The following POLK variants were observed in gnomAD, a reference collection of about 807,000 sequenced individuals.
The protein encoded by POLK is polymerase (DNA directed) kappa.
In POLK, 76 loss-of-function variants were observed where a neutral mutation model predicts 94.0. That is an observed-to-expected ratio of 0.81 (90% confidence interval 0.67 to 0.98). The LOEUF is 0.98. Among genes scored for constraint, POLK ranks in the 50% least tolerant of loss-of-function variants. POLK has a pLI of 0.00. For missense variants in POLK, 954 were observed against 1,010.1 expected (o/e 0.94, Z 0.75); for synonymous variants, 349 against 325.4 (o/e 1.07, Z -0.78).
intron 1 of POLK, among the ~76,000 whole-genome samples, chr5:75,543,317 G>C (rs1769849691): frequency 6.6e-6 from 1 of 152,196 alleles, no homozygotes; most frequent in South Asian, 2.1e-4. Context: ...TGGGATTGTA[G>C]GCATGAGTCA....
intron 3 of POLK, among the ~76,000 whole-genome samples, chr5:75,561,377 T>G (rs1770965439): frequency 6.6e-6 from 1 of 152,220 alleles, no homozygotes; most frequent in South Asian, 2.1e-4. Flanking sequence ...TGTAGATTTG[T>G]GTAAGTTCCT....
exon 13 of POLK, chr5:75,596,964 A>G (rs199828662): frequency 3.7e-6 from 6 of 1,613,764 alleles, no homozygotes; most frequent in Non-Finnish European, 4.2e-6. Flanking sequence ...AAGATGTTGG[A>G]TCATTTAGAC....
chr5:75,571,051 T>C (rs562804998), intron 4 of POLK, among the ~76,000 whole-genome samples: 1 of 152,332 alleles, frequency 6.6e-6, no homozygotes, highest in African/African-American at 2.4e-5. Flanking sequence ...ACAAACTTGC[T>C]GTAGCCATGT....
chr5:75,543,810 A>G (rs902001301), intron 1 of POLK, among the ~76,000 whole-genome samples: 2 of 151,708 alleles, frequency 1.3e-5, no homozygotes, highest in Admixed American at 1.3e-4. Flanking sequence ...ACCAAAACCA[A>G]CTCTTAGAGT....
chr5:75,581,574 A>G (rs1772195927), intron 7 of POLK, 126 bp downstream of exon 7: 2 of 771,968 alleles, frequency 2.6e-6, no homozygotes, highest in Non-Finnish European at 4.1e-6. Context: ...CTTTCATTCA[A>G]CTTCTAACAA....
intron 1 of POLK, among the ~76,000 whole-genome samples, chr5:75,533,779 T>A (rs1032571140): frequency 9.9e-5 from 15 of 152,234 alleles, no homozygotes; most frequent in Admixed American, 6.5e-5. Context: ...CAGTGTTTTT[T>A]AATTCTCATT....
intron 1 of POLK, among the ~76,000 whole-genome samples, chr5:75,537,830 A>G (rs1769524644): frequency 6.6e-6 from 1 of 151,798 alleles, no homozygotes; most frequent in Admixed American, 6.6e-5. Context: ...TGCAGTTCAA[A>G]TTTTGTTTTT....
At position 75,573,735 on chromosome 5, in the gene POLK, C is replaced by G; in HGVS notation, c.409-3C>G. 1 of 1,611,562 alleles carries G rather than the reference C, an allele frequency of 6.2e-7. No homozygotes were observed. The highest frequency in any genetic ancestry group is 8.5e-7 in the Non-Finnish European group (1 of 1,177,946). On this transcript the variant is annotated splice_region_variant and splice_polypyrimidine_tract_variant and intron_variant, in intron 4 of 14. Coordinates refer to ENST00000241436, the Ensembl canonical transcript of POLK. ...TTTTTCCATGTGGTCAATTTTCTTT[C>G]AGTCTACTTCAAATTACCATGCAAG...
intron 1 of POLK, among the ~76,000 whole-genome samples, chr5:75,514,647 T>G (rs1768236887): frequency 6.6e-6 from 1 of 152,234 alleles, no homozygotes; most frequent in African/African-American, 2.4e-5. Context: ...TAGTCCAGAC[T>G]TTGGACCTTA....
chr5:75,534,079 A>G (rs1393687058), intron 1 of POLK, among the ~76,000 whole-genome samples: 1 of 152,128 alleles, frequency 6.6e-6, no homozygotes, highest in Non-Finnish European at 1.5e-5. Context: ...CAGCCTTGCC[A>G]ACATGATGAA....
downstream of POLK, among the ~76,000 whole-genome samples, chr5:75,604,472 G>A (rs1474077451): frequency 3.9e-5 from 6 of 152,284 alleles, no homozygotes; most frequent in South Asian, 1.0e-3. Flanking sequence ...GAACTCTTGG[G>A]ATCAAGATCC....
intron 1 of POLK, among the ~76,000 whole-genome samples, chr5:75,524,010 A>C (rs1399750520): frequency 6.6e-6 from 1 of 151,980 alleles, no homozygotes; most frequent in Non-Finnish European, 1.5e-5. Flanking sequence ...GGCACCTGTA[A>C]TCCCAGCTAC....
At chr5:75,551,467 A>G (rs1295989419) in intron 2 of POLK, among the ~76,000 whole-genome samples, 4 of 152,194 alleles carry the variant, frequency 2.6e-5, no homozygotes, top group Admixed American at 6.5e-5. Flanking sequence ...TAAAACACAT[A>G]TGTGATAAAA....
intron 1 of POLK, among the ~76,000 whole-genome samples, chr5:75,533,659 G>A (rs1267497291): frequency 6.6e-6 from 1 of 152,164 alleles, no homozygotes; most frequent in Non-Finnish European, 1.5e-5. Flanking sequence ...AAATAGCGCT[G>A]AATCTGTAAT....
Position 75,578,424 on chromosome 5 carries a change from T to C in POLK, c.694+1491T>C, listed in dbSNP as rs1772021725. 3.9e-5 allele frequency among the ~76,000 whole-genome samples: 6 copies of C among 152,374 alleles called. No homozygotes were observed. In the South Asian group the frequency reaches 1.2e-3, roughly 32 times the overall value. On this transcript the variant is annotated intron_variant, in intron 6 of 14. Transcript: ENST00000241436. ...TGCCCGCCTCGGCCTTCCAAAGTGCTGGGATTACAGGCATGAGCCACCACG... is the reference window on the plus strand; with the variant it reads ...TGCCCGCCTCGGCCTTCCAAAGTGCCGGGATTACAGGCATGAGCCACCACG...
rs781584871 is a variant in POLK at position 75,547,026 on chromosome 5, G to T, written c.4G>T (p.Asp2Tyr). ...CTTTTTCAGATAAGTTTATACCATG[G>T]ATAGCACAAAGGAGAAGTGTGACAG... Residue 2 changes from aspartate to tyrosine, a missense_variant, in exon 2 of 15, where the codon GAT becomes TAT. Physicochemically the swap from Asp to Tyr is radical, Grantham distance 160 (BLOSUM62 -3). Transcript: ENST00000241436. The T allele has an allele frequency of 2.1e-5, 31 of 1,499,136 alleles. No homozygotes were observed. The South Asian group carries it at 4.0e-4, about 19-fold the overall frequency. 92.9% of individuals were successfully genotyped at this position (1,499,136 alleles called of 1,614,324 possible).
intron 11 of POLK, among the ~76,000 whole-genome samples, chr5:75,592,885 C>T (rs1772861604): frequency 6.6e-6 from 1 of 151,906 alleles, no homozygotes; most frequent in African/African-American, 2.4e-5. Flanking sequence ...AAAATCACGT[C>T]TCTACAAAGA....
At chr5:75,529,773 A>T (rs928915620) in intron 1 of POLK, among the ~76,000 whole-genome samples, 4 of 152,190 alleles carry the variant, frequency 2.6e-5, no homozygotes, top group African/African-American at 9.7e-5. Context: ...GAGTATATAG[A>T]GATCTTTTAG....
chr5:75,597,917 GTTCC>G lies in POLK; in HGVS notation c.2529-14_2529-11del, dbSNP rs754684362. ...ATCTCTTCCTGCATTTTAATTGTGT[GTTCC>G]TTTTCATTCTAGGCCAGGATTGATG... On this transcript the variant is annotated splice_polypyrimidine_tract_variant and intron_variant, in intron 14 of 14. Coordinates refer to ENST00000241436, the Ensembl canonical transcript of POLK. 2.9e-6 allele frequency: 4 copies of G among 1,365,890 alleles called. No homozygotes were observed. In the South Asian group the frequency reaches 6.1e-5, roughly 21 times the overall value. 84.6% of individuals were successfully genotyped at this position (1,365,890 alleles called of 1,614,324 possible). A position where few individuals can be genotyped will look rare whatever the true frequency, so the allele number is the denominator to read the frequency against.
Sources: allele counts gnomAD v4.1 joint callset (sites outside exome capture counted in the v4.1 genomes callset), GRCh38; gene constraint gnomAD v4.1.1; transcripts MANE v1.5; gene names NCBI Gene and HGNC (gene_info 2026-07-23, HGNC 2026-07-21).